PALMD: variants seen among roughly 807,000 people sequenced by gnomAD.
The protein encoded by PALMD is paralemmin-like protein.
Under a neutral mutation model 56.2 loss-of-function variants are expected in PALMD, and 42 were observed. The ratio of observed to expected loss-of-function variants is 0.75; its 90% CI spans 0.58 to 0.97. The LOEUF (loss-of-function observed/expected upper bound fraction) is 0.97, where lower values mean the gene tolerates loss of function less well. Among genes scored for constraint, PALMD ranks in the 50% least tolerant of loss-of-function variants. The probability of loss-of-function intolerance (pLI) is 0.00; values close to 1 mark genes in which losing one functional copy is unlikely to be tolerated. For missense variants in PALMD, 660 were observed against 643.8 expected (o/e 1.03, Z -0.27); for synonymous variants, 242 against 222.9 (o/e 1.09, Z -0.76).
At chr1:99,678,907 G>A (rs1247646591) in intron 3 of PALMD, among the ~76,000 whole-genome samples, 1 of 151,790 alleles carries the variant, frequency 6.6e-6, no homozygotes, top group African/African-American at 2.4e-5. Context: ...AAGGCGGGAG[G>A]ATCTCTTGAG....
At chr1:99,666,258 A>C (rs181034813) in intron 2 of PALMD, among the ~76,000 whole-genome samples, 2 of 152,136 alleles carry the variant, frequency 1.3e-5, no homozygotes, top group Admixed American at 1.3e-4. Flanking sequence ...TTTTTTAAGA[A>C]AAAAAGATTT....
At position 99,662,391 on chromosome 1, in the gene PALMD, C is replaced by T. The variant is rs887171205; in HGVS notation, c.118C>T (p.His40Tyr). 1.3e-5 allele frequency: 20 copies of T among 1,518,242 alleles called. No individual in the cohort carries two copies. Among genetic ancestry groups the T allele is most frequent in the Non-Finnish European group, 1.8e-5 (20 of 1,102,184 alleles). The allele number at this position is 1,518,242 out of a possible 1,614,324, so 94.0% of individuals were successfully genotyped here. Residue 40 changes from histidine to tyrosine, a missense_variant, in exon 2 of 8, where the codon CAT (histidine) becomes TAT (tyrosine). Transcript: ENST00000263174. Reference sequence around the variant, plus strand: ...AGAGGAAGACAAACTAAAGCACCAGCATTTGAAGGTAATTTATGGCTTTAA... The same window carrying T: ...AGAGGAAGACAAACTAAAGCACCAGTATTTGAAGGTAATTTATGGCTTTAA... ...KIEEDKLKHQ[H>Y]LKKKALREKW...
At chr1:99,681,510 G>C (rs888591154) in intron 3 of PALMD, among the ~76,000 whole-genome samples, 1 of 151,876 alleles carries the variant, frequency 6.6e-6, no homozygotes, top group African/African-American at 2.4e-5. Flanking sequence ...ATACACAAAC[G>C]TATATGTATC....
Position 99,662,415 on chromosome 1 carries a change from A to C in PALMD, c.126+16A>C. 1 of 1,336,324 alleles carries C rather than the reference A, an allele frequency of 7.5e-7. No individual in the cohort carries two copies. The highest frequency in any genetic ancestry group is 1.1e-6 in the Non-Finnish European group (1 of 943,546). The allele number at this position is 1,336,324 out of a possible 1,614,324, so 82.8% of individuals were successfully genotyped here. A position where few individuals can be genotyped will look rare whatever the true frequency, so the allele number is the denominator to read the frequency against. ...GCATTTGAAGGTAATTTATGGCTTT[A>C]ATTTCATTTCAATGATTTTGTATTC... On this transcript the variant is annotated intron_variant, in intron 2 of 7. Transcript: ENST00000263174.
At chr1:99,681,780 G>A (rs181986951) in intron 3 of PALMD, among the ~76,000 whole-genome samples, 5 of 152,086 alleles carry the variant, frequency 3.3e-5, no homozygotes, top group African/African-American at 7.2e-5. Flanking sequence ...CCTCACCCTC[G>A]CCAAGTTATG....
intron 3 of PALMD, among the ~76,000 whole-genome samples, chr1:99,679,584 G>A (rs1653293371): frequency 6.6e-6 from 1 of 152,074 alleles, no homozygotes; most frequent in Admixed American, 6.6e-5. Context: ...GTATATAATG[G>A]GTCAACACGT....
At chr1:99,662,566 T>C (rs908663330) in intron 2 of PALMD, among the ~76,000 whole-genome samples, 167 bp downstream of exon 2, 11 of 152,318 alleles carry the variant, frequency 7.2e-5, no homozygotes, top group African/African-American at 2.4e-4. Context: ...CATTTGCATA[T>C]GAGATTAATA....
intron 7 of PALMD, among the ~76,000 whole-genome samples, chr1:99,691,034 A>T (rs1301015607): frequency 1.3e-5 from 2 of 152,188 alleles, no homozygotes; most frequent in Non-Finnish European, 2.9e-5. Context: ...TAATTACCTG[A>T]AGAATTTCTA....
chr1:99,654,952 TA>T (rs1310986517), intron 1 of PALMD, among the ~76,000 whole-genome samples: 1 of 152,168 alleles, frequency 6.6e-6, no homozygotes, highest in Non-Finnish European at 1.5e-5. Context: ...CTATGGCTAT[TA>T]ATCAATACAT....
chr1:99,693,322 A>G (rs1653704335), intron 7 of PALMD, among the ~76,000 whole-genome samples: 1 of 152,218 alleles, frequency 6.6e-6, no homozygotes, highest in African/African-American at 2.4e-5. Flanking sequence ...CCTAAATAAT[A>G]AGAATAGAAT....
intron 1 of PALMD, 100 bp downstream of exon 1, chr1:99,646,462 C>A: frequency 3.5e-6 from 3 of 852,194 alleles, no homozygotes; most frequent in African/African-American, 1.7e-5. Context: ...AGTGGAAAAA[C>A]AGAACTGTCA....
chr1:99,677,734 C>T (rs76345279), intron 3 of PALMD, among the ~76,000 whole-genome samples: 2 of 151,998 alleles, frequency 1.3e-5, no homozygotes, highest in African/African-American at 2.4e-5. Flanking sequence ...GCCAGGAAGT[C>T]GTATAAAACT....
At chr1:99,663,404 G>A (rs1652890916) in intron 2 of PALMD, among the ~76,000 whole-genome samples, 1 of 151,920 alleles carries the variant, frequency 6.6e-6, no homozygotes, top group Non-Finnish European at 1.5e-5. Flanking sequence ...AAGAAATGTA[G>A]TGTGTACTCC....
chr1:99,674,601 C>A (rs1176693757), intron 3 of PALMD, among the ~76,000 whole-genome samples: 1 of 150,002 alleles, frequency 6.7e-6, no homozygotes, highest in Non-Finnish European at 1.5e-5. Flanking sequence ...CATATAAACT[C>A]CCACCCAAAA....
In PALMD at chr1:99,689,022, A is replaced by G; in HGVS notation, c.762A>G (p.Pro254=). 6.2e-7 allele frequency: 1 copy of G among 1,613,812 alleles called. No homozygotes were observed. The part of the protein sequence containing the change: ...RQASERNSKS[P]TEYHEPVYAN... The stretch of plus-strand genomic sequence containing the variant: ...CCTCAGAGAGAAACTCTAAATCCCC[A>G]ACAGAGTATCATGAGCCTGTATATG... The change falls in exon 7 of 8, where the codon CCA becomes CCG. Residue 254 remains proline, a synonymous_variant. Transcript: ENST00000263174.
chr1:99,670,529 C>A (rs781152849), intron 3 of PALMD, among the ~76,000 whole-genome samples: 1 of 152,058 alleles, frequency 6.6e-6, no homozygotes, highest in African/African-American at 2.4e-5. Context: ...TCAGTGCTCT[C>A]CAGCTGAAAA....
intron 1 of PALMD, among the ~76,000 whole-genome samples, chr1:99,650,873 T>C (rs1652567810): frequency 6.6e-6 from 1 of 152,186 alleles, no homozygotes; most frequent in Non-Finnish European, 1.5e-5. Flanking sequence ...TAAAAACAAG[T>C]GTAAACTAGT....
At chr1:99,671,925 T>C (rs1457617418) in intron 3 of PALMD, among the ~76,000 whole-genome samples, 3 of 152,158 alleles carry the variant, frequency 2.0e-5, no homozygotes, top group Non-Finnish European at 4.4e-5. Flanking sequence ...ATCATAAAAA[T>C]AAAATTGCAC....
intron 1 of PALMD, among the ~76,000 whole-genome samples, chr1:99,648,832 T>C (rs553555708): frequency 1.3e-5 from 2 of 149,232 alleles, no homozygotes; most frequent in Admixed American, 1.3e-4. Context: ...AAAATAAACG[T>C]ATATACCTAG....
Sources: allele counts gnomAD v4.1 joint callset (sites outside exome capture counted in the v4.1 genomes callset), GRCh38; gene constraint gnomAD v4.1.1; transcripts MANE v1.5; gene names NCBI Gene and HGNC (gene_info 2026-07-23, HGNC 2026-07-21).